The following FHIT variants were observed in gnomAD, a reference collection of about 807,000 sequenced individuals.
FHIT encodes the protein fragile histidine triad diadenosine triphosphatase.
In FHIT, 19 loss-of-function variants were observed where a neutral mutation model predicts 17.9. The ratio of observed to expected loss-of-function variants is 1.06; its 90% CI spans 0.74 to 1.56. The LOEUF (loss-of-function observed/expected upper bound fraction) is 1.56, where lower values mean the gene tolerates loss of function less well. Ranked by LOEUF, FHIT falls within the 40% of genes most tolerant of loss-of-function variation. FHIT has a pLI of 0.00. For synonymous variants in FHIT, 81 were observed against 69.7 expected, an observed-to-expected ratio of 1.16 and a Z score of -0.81; for missense variants, 248 against 189.2, an observed-to-expected ratio of 1.31 and a Z score of -1.82.
chr3:59,778,305 G>A (rs916382558), intron 8 of FHIT, among the ~76,000 whole-genome samples: 2 of 152,176 alleles, frequency 1.3e-5, no homozygotes, highest in African/African-American at 2.4e-5. Flanking sequence ...TAAAAGTGAC[G>A]CAAACTTGTA....
At chr3:60,061,934 T>C (rs751199412) in intron 5 of FHIT, among the ~76,000 whole-genome samples, 76 of 151,628 alleles carry the variant, frequency 5.0e-4, no homozygotes, top group Non-Finnish European at 9.7e-4. Context: ...CAAAACAACA[T>C]GGAAAAGAGC....
At chr3:60,555,670 C>T (rs1008308747) in intron 4 of FHIT, among the ~76,000 whole-genome samples, 4 of 152,152 alleles carry the variant, frequency 2.6e-5, no homozygotes, top group Admixed American at 6.5e-5. Flanking sequence ...CATCTCATTA[C>T]CTCTTCACTC....
rs186032616 is a variant in FHIT, at chr3:60,478,682, C to T, written c.103+58178G>A. On this transcript the variant is annotated intron_variant, in intron 5 of 9. Transcript: ENST00000492590. Reference sequence around the variant, plus strand: ...TTATGATACAGTCATTACATATAACCTTTTTCTCCCACTATATTGCATGCT... The same window carrying T: ...TTATGATACAGTCATTACATATAACTTTTTTCTCCCACTATATTGCATGCT... Among the ~76,000 whole-genome samples the T allele has an allele frequency of 6.6e-5, 10 of 152,294 alleles. No individual in the cohort carries two copies. In the South Asian group the frequency reaches 1.9e-3, roughly 28 times the overall value.
intron 5 of FHIT, among the ~76,000 whole-genome samples, chr3:60,313,776 A>G (rs1709050045): frequency 6.6e-6 from 1 of 152,168 alleles, no homozygotes; most frequent in South Asian, 2.1e-4. Context: ...ATGAGGTTAG[A>G]TCTTTCTAAT....
chr3:60,267,261 G>A (rs1220285654), intron 5 of FHIT, among the ~76,000 whole-genome samples: 1 of 151,930 alleles, frequency 6.6e-6, no homozygotes, highest in Non-Finnish European at 1.5e-5. Flanking sequence ...GGACAATGTA[G>A]GGGTTTTGAA....
At chr3:60,780,312 C>T (rs1553725451) in intron 4 of FHIT, among the ~76,000 whole-genome samples, 2 of 152,154 alleles carry the variant, frequency 1.3e-5, no homozygotes, top group African/African-American at 4.8e-5. Context: ...CAGATGCATC[C>T]TCCAAACTAG....
intron 5 of FHIT, among the ~76,000 whole-genome samples, chr3:60,451,982 G>T (rs978594430): frequency 2.0e-4 from 30 of 151,980 alleles, no homozygotes; most frequent in Admixed American, 1.5e-3. Context: ...CAATTCAGTG[G>T]GCCTAACTCC....
At chr3:61,033,195 G>A (rs942352015) in intron 3 of FHIT, among the ~76,000 whole-genome samples, 2 of 152,176 alleles carry the variant, frequency 1.3e-5, no homozygotes, top group African/African-American at 4.8e-5. Flanking sequence ...GCCCAGTCAA[G>A]TTGACACAAA....
At chr3:59,931,797 G>T (rs1180915769) in intron 7 of FHIT, among the ~76,000 whole-genome samples, 1 of 152,116 alleles carries the variant, frequency 6.6e-6, no homozygotes, top group Non-Finnish European at 1.5e-5. Context: ...CCAATTGTGA[G>T]TTATAATAAT....
At chr3:60,463,320 T>C (rs891251098) in intron 5 of FHIT, among the ~76,000 whole-genome samples, 5 of 152,202 alleles carry the variant, frequency 3.3e-5, no homozygotes, top group African/African-American at 1.2e-4. Flanking sequence ...AGGAAAATGA[T>C]ATATCTATAC....
chr3:59,786,983 G>A (rs994285200), intron 8 of FHIT, among the ~76,000 whole-genome samples: 5 of 151,982 alleles, frequency 3.3e-5, no homozygotes, highest in African/African-American at 1.2e-4. Flanking sequence ...ATGGGATTCA[G>A]TGCACCCCTA....
At chr3:60,154,808 A>C (rs1223704652) in intron 5 of FHIT, among the ~76,000 whole-genome samples, 1 of 152,180 alleles carries the variant, frequency 6.6e-6, no homozygotes, top group African/African-American at 2.4e-5. Flanking sequence ...CAGTCAATTT[A>C]TATTTAAACT....
chr3:60,325,550 T>C (rs941744569), intron 5 of FHIT, among the ~76,000 whole-genome samples: 12 of 152,154 alleles, frequency 7.9e-5, no homozygotes, highest in Non-Finnish European at 1.5e-5. Flanking sequence ...CAGAGTTGGG[T>C]TTTTAAACTC....
At chr3:59,943,599 A>T (rs920024757) in intron 7 of FHIT, among the ~76,000 whole-genome samples, 1 of 152,120 alleles carries the variant, frequency 6.6e-6, no homozygotes, top group African/African-American at 2.4e-5. Flanking sequence ...TGTCTGTAAA[A>T]GGCACCAATA....
chr3:60,345,254 C>T (rs994176513), intron 5 of FHIT, among the ~76,000 whole-genome samples: 2 of 152,170 alleles, frequency 1.3e-5, no homozygotes, highest in African/African-American at 4.8e-5. Context: ...CCTGTTGAAG[C>T]TGGGCAGGGC....
intron 3 of FHIT, among the ~76,000 whole-genome samples, chr3:60,928,431 C>T (rs542010735): frequency 1.3e-5 from 2 of 150,432 alleles, no homozygotes; most frequent in South Asian, 2.1e-4. Flanking sequence ...GCCTTGGGGT[C>T]CCAGCTACTC....
chr3:61,226,415 G>A (rs144231636), intron 1 of FHIT, among the ~76,000 whole-genome samples: 224 of 152,128 alleles, frequency 1.5e-3, no homozygotes, highest in African/African-American at 5.1e-3. Context: ...CAATTACCCT[G>A]ATAGTCCAGG....
chr3:59,799,468 A>G (rs1023605531), intron 8 of FHIT, among the ~76,000 whole-genome samples: 1 of 152,110 alleles, frequency 6.6e-6, no homozygotes, highest in African/African-American at 2.4e-5. Context: ...AAATCTGTGG[A>G]TATTTTGTTC....
At chr3:60,184,942 C>T (rs537053202) in intron 5 of FHIT, among the ~76,000 whole-genome samples, 9 of 152,228 alleles carry the variant, frequency 5.9e-5, no homozygotes, top group African/African-American at 2.2e-4. Context: ...CTCCTATGTC[C>T]CTTTAACACA....
Sources: allele counts gnomAD v4.1 joint callset (sites outside exome capture counted in the v4.1 genomes callset), GRCh38; gene constraint gnomAD v4.1.1; transcripts MANE v1.5; gene names NCBI Gene and HGNC (gene_info 2026-07-23, HGNC 2026-07-21).